Variants in EPHA7 observed in about 807,000 individuals in gnomAD.
EPHA7 encodes the protein EPH receptor A7.
In EPHA7, 25 loss-of-function variants were observed where a neutral mutation model predicts 112.6. The observed-to-expected ratio is 0.22, with a 90% CI of 0.16 to 0.31. EPHA7 has a LOEUF of 0.31. Ranked by LOEUF, EPHA7 falls within the 10% of genes least tolerant of loss-of-function variation. The pLI, the probability that EPHA7 is intolerant of heterozygous loss-of-function variation, is 1.00. For synonymous variants in EPHA7, 437 were observed against 406.5 expected, an observed-to-expected ratio of 1.07 and a Z score of -0.90; for missense variants, 962 against 1,212.6, an observed-to-expected ratio of 0.79 and a Z score of 3.07.
chr6:93,263,543 G>C (rs970787915), intron 9 of EPHA7, among the ~76,000 whole-genome samples: 2 of 151,262 alleles, frequency 1.3e-5, no homozygotes, highest in Non-Finnish European at 3.0e-5. Context: ...CTAGAGAAGG[G>C]GCACATGCAA....
chr6:93,365,399 A>T (rs1776458873), intron 3 of EPHA7, among the ~76,000 whole-genome samples: 1 of 152,216 alleles, frequency 6.6e-6, no homozygotes, highest in African/African-American at 2.4e-5. Flanking sequence ...AGGCAAAGCC[A>T]GTCTGTTTCC....
Position 93,320,490 on chromosome 6 carries a change from G to A in EPHA7, c.1324+36227C>T, listed in dbSNP as rs541145039. Among the ~76,000 whole-genome samples the A allele has an allele frequency of 3.3e-5, 5 of 152,034 alleles. No homozygotes were observed. In the South Asian group the frequency reaches 1.0e-3, roughly 32 times the overall value. ...AATCATTAGCAGAAAATGATTTGTA[G>A]TGCAATTTTACTTCACTTGGGAGAA... On this transcript the variant is annotated intron_variant, in intron 5 of 16. Transcript: ENST00000369303.
rs142462064 is a variant in EPHA7 at position 93,319,887 on chromosome 6, A to T, written c.1324+36830T>A. ...TGATAACTGACAATTATAAATTCACATGAAAAATAATATCTATACAGCAAT... is the reference window on the plus strand; with the variant it reads ...TGATAACTGACAATTATAAATTCACTTGAAAAATAATATCTATACAGCAAT... On this transcript the variant is annotated intron_variant, in intron 5 of 16. Transcript: ENST00000369303. Among the ~76,000 whole-genome samples the T allele has an allele frequency of 1.4e-3, 214 of 152,264 alleles. 4 individuals carry two copies. The highest frequency in any genetic ancestry group is 0.014 in the Middle Eastern group (4 of 294).
intron 3 of EPHA7, among the ~76,000 whole-genome samples, chr6:93,369,448 T>C (rs140973817): frequency 6.6e-6 from 1 of 152,326 alleles, no homozygotes; most frequent in Non-Finnish European, 1.5e-5. Context: ...TTTAATTGTC[T>C]GTTAAAACAA....
At chr6:93,407,742 T>G (rs1778789924) in intron 3 of EPHA7, among the ~76,000 whole-genome samples, 1 of 152,012 alleles carries the variant, frequency 6.6e-6, no homozygotes, top group Non-Finnish European at 1.5e-5. Flanking sequence ...TATTTTATTT[T>G]TAAATACCTT....
In EPHA7 at chr6:93,305,325, CA is replaced by C. The variant is rs201375496; in HGVS notation, c.1325-32904del. The stretch of plus-strand genomic sequence containing the variant: ...AGGAGAAATTATGAAAGTAAAAGTC[CA>C]AAAAAAAAAAGTAAGAGGCTGAAGC... On this transcript the variant is annotated intron_variant, in intron 5 of 16. Coordinates refer to ENST00000369303, the MANE Select transcript of EPHA7 (RefSeq NM_004440.4). Among the ~76,000 whole-genome samples, 234 of 138,110 alleles carry C rather than the reference CA, an allele frequency of 1.7e-3. 1 individual carries two copies. Among genetic ancestry groups the C allele is most frequent in the African/African-American group, 3.5e-3 (133 of 38,104 alleles). The allele number at this position is 138,110 out of a possible 152,430, so 90.6% of individuals were successfully genotyped here.
chr6:93,375,459 AT>A (rs1344090886), intron 3 of EPHA7, among the ~76,000 whole-genome samples: 1 of 151,968 alleles, frequency 6.6e-6, no homozygotes, highest in Non-Finnish European at 1.5e-5. Flanking sequence ...CTAAAAAAAA[AT>A]AAAAATAAAA....
intron 5 of EPHA7, among the ~76,000 whole-genome samples, chr6:93,336,463 C>T (rs1774875726): frequency 6.6e-6 from 1 of 152,144 alleles, no homozygotes; most frequent in African/African-American, 2.4e-5. Flanking sequence ...AGTGCAGTGG[C>T]ACGATCTTGG....
intron 3 of EPHA7, among the ~76,000 whole-genome samples, chr6:93,366,716 C>T (rs1776532402): frequency 6.6e-6 from 1 of 152,116 alleles, no homozygotes; most frequent in Non-Finnish European, 1.5e-5. Context: ...TCGCTTTCAC[C>T]GTGCCATTGT....
chr6:93,255,509 A>C (rs1770402232), intron 13 of EPHA7, among the ~76,000 whole-genome samples: 1 of 152,172 alleles, frequency 6.6e-6, no homozygotes, highest in South Asian at 2.1e-4. Flanking sequence ...ATTCCTTTAA[A>C]TCTTTATTTA....
intron 9 of EPHA7, chr6:93,260,571 C>G: frequency 1.0e-6 from 1 of 957,380 alleles, no homozygotes; most frequent in African/African-American, 1.8e-5. Context: ...TTATATATTA[C>G]ACTGCAGCCT....
intron 3 of EPHA7, chr6:93,409,822 CA>C (rs1288877428): frequency 6.9e-6 from 1 of 145,346 alleles, no homozygotes; most frequent in East Asian, 2.0e-4. Context: ...ATGATTGTTT[CA>C]AAACATGCAA....
chr6:93,333,876 C>G (rs1774725632), intron 5 of EPHA7, among the ~76,000 whole-genome samples: 1 of 151,900 alleles, frequency 6.6e-6, no homozygotes, highest in South Asian at 2.1e-4. Context: ...TTGCTCAAAG[C>G]AACTTACAGA....
intron 3 of EPHA7, among the ~76,000 whole-genome samples, chr6:93,372,837 T>A (rs1776867911): frequency 6.6e-6 from 1 of 152,084 alleles, no homozygotes; most frequent in African/African-American, 2.4e-5. Context: ...ACATGAAAAA[T>A]ATAATAGTTA....
intron 5 of EPHA7, among the ~76,000 whole-genome samples, chr6:93,301,187 C>T (rs967593402): frequency 7.2e-5 from 11 of 152,102 alleles, no homozygotes; most frequent in African/African-American, 2.4e-4. Context: ...AATATATTAT[C>T]TACTCTGCTC....
At chr6:93,373,675 C>G (rs1222570249) in intron 3 of EPHA7, among the ~76,000 whole-genome samples, 1 of 151,816 alleles carries the variant, frequency 6.6e-6, no homozygotes, top group African/African-American at 2.4e-5. Context: ...GTATTTTTAG[C>G]TCTCATGATT....
intron 5 of EPHA7, among the ~76,000 whole-genome samples, chr6:93,281,953 T>A (rs1387619649): frequency 1.3e-5 from 2 of 151,972 alleles, no homozygotes; most frequent in East Asian, 1.9e-4. Flanking sequence ...ATATTATATA[T>A]TTCATAAAAT....
At chr6:93,413,292 C>T (rs1779065143) in intron 2 of EPHA7, among the ~76,000 whole-genome samples, 1 of 151,878 alleles carries the variant, frequency 6.6e-6, no homozygotes, top group South Asian at 2.1e-4. Flanking sequence ...GTAGGGTTAA[C>T]TGTTAAGATA....
intron 2 of EPHA7, among the ~76,000 whole-genome samples, chr6:93,412,754 A>C (rs1166085834): frequency 6.6e-6 from 1 of 152,060 alleles, no homozygotes; most frequent in Non-Finnish European, 1.5e-5. Context: ...CTACCAAAAA[A>C]TCAAAAGCTC....
Sources: allele counts gnomAD v4.1 joint callset (sites outside exome capture counted in the v4.1 genomes callset), GRCh38; gene constraint gnomAD v4.1.1; transcripts MANE v1.5; gene names NCBI Gene and HGNC (gene_info 2026-07-23, HGNC 2026-07-21).